The following CETP variants were observed in gnomAD, a reference collection of about 807,000 sequenced individuals.
The protein encoded by CETP is BPI fold containing family F.
Under a neutral mutation model 66.5 loss-of-function variants are expected in CETP, and 56 were observed. The ratio of observed to expected loss-of-function variants is 0.84; its 90% CI spans 0.68 to 1.05. CETP has a LOEUF of 1.05. Among genes scored for constraint, CETP ranks in the 50% least tolerant of loss-of-function variants. CETP has a pLI of 0.00. For synonymous variants in CETP, 251 were observed against 245.7 expected, an observed-to-expected ratio of 1.02 and a Z score of -0.20; for missense variants, 612 against 609.6, an observed-to-expected ratio of 1.00 and a Z score of -0.04.
chr16:56,962,169 TG>T, intron 1 of CETP, 72 bp downstream of exon 1: 1 of 1,331,336 alleles, frequency 7.5e-7, no homozygotes, highest in Non-Finnish European at 1.1e-6. Context: ...GGAGCCTCCC[TG>T]GCCTGAAGCC....
intron 11 of CETP, among the ~76,000 whole-genome samples, chr16:56,978,579 G>A (rs763364481): frequency 9.2e-5 from 14 of 151,570 alleles, no homozygotes; most frequent in East Asian, 1.9e-4. Flanking sequence ...TCCTGGGCTC[G>A]AGTGATCCTC....
chr16:56,969,888 TG>T (rs1448831929), intron 4 of CETP, 25 bp from the exon 5 acceptor site: 1 of 1,609,298 alleles, frequency 6.2e-7, no homozygotes, highest in Non-Finnish European at 8.5e-7. Context: ...GAGGCTGCCC[TG>T]AGGTCATGTC....
At chr16:56,966,970 T>C (rs1232481760) in intron 2 of CETP, among the ~76,000 whole-genome samples, 1 of 152,098 alleles carries the variant, frequency 6.6e-6, no homozygotes, top group Non-Finnish European at 1.5e-5. Context: ...TTGTATTCTG[T>C]GCGGAGGTCA....
chr16:56,970,982 A>G (rs747624840), intron 5 of CETP, 51 bp from the exon 6 acceptor site: 6 of 1,572,608 alleles, frequency 3.8e-6, no homozygotes, highest in Non-Finnish European at 4.4e-6. Context: ...TAGGCGCTCC[A>G]TGGATGCACA....
chr16:56,970,782 G>T (rs941844829), intron 5 of CETP, among the ~76,000 whole-genome samples: 1 of 152,210 alleles, frequency 6.6e-6, no homozygotes, highest in South Asian at 2.1e-4. Context: ...CTCTAGACAC[G>T]TTCTCGTGTG....
rs1801706 is a variant in CETP at position 56,983,750 on chromosome 16, G to A, written c.*84G>A. On this transcript the variant is annotated 3_prime_UTR_variant, in exon 16 of 16. Coordinates refer to ENST00000200676, the MANE Select transcript of CETP (RefSeq NM_000078.3). ...CTGGAACCCTGGTGTCTCCTCCAGC[G>A]TGGTGGAAGTTGGGTTAGGAGTACG... 225,024 of 1,303,282 alleles carry A rather than the reference G, an allele frequency of 0.17. 20,279 individuals are homozygous for A. Among genetic ancestry groups the A allele is most frequent in the Middle Eastern group, 0.2 (1,094 of 5,512 alleles). 80.7% of individuals were successfully genotyped at this position (1,303,282 alleles called of 1,614,324 possible).
At chr16:56,973,606 T>C in intron 9 of CETP, 96 bp downstream of exon 9, 1 of 1,418,438 alleles carries the variant, frequency 7.1e-7, no homozygotes, top group South Asian at 1.2e-5. Context: ...ACTCGGAAAC[T>C]TGGTGGTGGG....
At chr16:56,977,987 C>G (rs1270390391) in intron 10 of CETP, 104 bp from the exon 11 acceptor site, 2 of 1,445,682 alleles carry the variant, frequency 1.4e-6, no homozygotes, top group Non-Finnish European at 1.9e-6. Context: ...TTTTCCCCAG[C>G]CCTGGGGCCC....
At chr16:56,968,475 C>G (rs1322023338) in intron 2 of CETP, among the ~76,000 whole-genome samples, 1 of 152,168 alleles carries the variant, frequency 6.6e-6, no homozygotes, top group Non-Finnish European at 1.5e-5. Flanking sequence ...GTGTGAGCCA[C>G]CACGCTGGCC....
At chr16:56,962,580 T>C (rs1342291882) in intron 1 of CETP, among the ~76,000 whole-genome samples, 1 of 152,096 alleles carries the variant, frequency 6.6e-6, no homozygotes, top group Non-Finnish European at 1.5e-5. Flanking sequence ...TCTTGCTCAA[T>C]ATAATAAGGG....
Position 56,963,023 on chromosome 16 carries a change from T to A in CETP, c.132T>A (p.Thr44=). 1 of 1,614,130 alleles carries A rather than the reference T, an allele frequency of 6.2e-7. No homozygotes were observed. The highest frequency in any genetic ancestry group is 8.5e-7 in the Non-Finnish European group (1 of 1,179,994). The change falls in exon 2 of 16, where the codon ACT becomes ACA. Residue 44 remains threonine (T), a synonymous_variant. Transcript: ENST00000200676. ...CCTCCCCTCTAGTGAACCACGAGAC[T>A]GCCAAGGTGATCCAGACCGCCTTCC... ...KPALLVLNHE[T]AKVIQTAFQR... is the part of the protein sequence containing the mutation.
chr16:56,983,668 A>C lies in CETP; in HGVS notation c.*2A>C. The C allele has an allele frequency of 6.2e-7, 1 of 1,614,062 alleles. No individual in the cohort carries two copies. Among genetic ancestry groups the C allele is most frequent in the Non-Finnish European group, 8.5e-7 (1 of 1,179,938 alleles). ...GATTTCCTCCAGAGCTTGAGCTAGA[A>C]GTCTCCAAGGAGGTCGGGATGGGGC... is the stretch of plus-strand genomic sequence containing the variant. On this transcript the variant is annotated 3_prime_UTR_variant, in exon 16 of 16. Transcript: ENST00000200676.
In CETP at chr16:56,969,391, A is replaced by G. The variant is rs371180917; in HGVS notation, c.239A>G (p.Gln80Arg). The part of the protein sequence containing the change: ...GQVKYGLHNI[Q>R]ISHLSIASSQ... ...TCACTTCCATTCCTTCCCAGCATCC[A>G]GATCAGCCACTTGTCCATCGCCAGC... Residue 80 changes from glutamine (Q) to arginine (R), a missense_variant, in exon 3 of 16, where the codon CAG (glutamine) becomes CGG (arginine). Gln to Arg is a conservative substitution (Grantham distance 43). Transcript: ENST00000200676. The G allele has an allele frequency of 1.9e-6, 3 of 1,613,976 alleles. No homozygotes were observed. In the East Asian group the frequency reaches 6.7e-5, roughly 36 times the overall value.
In CETP at chr16:56,971,371, G is replaced by A; in HGVS notation, c.648G>A (p.Gln216=). 3 of 1,614,006 alleles carry A rather than the reference G, an allele frequency of 1.9e-6. No homozygotes were observed. Among genetic ancestry groups the A allele is most frequent in the Non-Finnish European group, 2.5e-6 (3 of 1,180,002 alleles). The change falls in exon 7 of 16, where the codon CAG becomes CAA. Residue 216 remains glutamine (Q), a synonymous_variant. Coordinates refer to ENST00000200676, the MANE Select transcript of CETP (RefSeq NM_000078.3). ...CTAACATCATGGCCGATTTTGTCCA[G>A]ACAAGGGCTGGTGAGTGCGTTTCTG... ...VISNIMADFV[Q]TRAASILSDG...
At chr16:56,962,883 C>A in intron 1 of CETP, 127 bp from the exon 2 acceptor site, 1 of 786,272 alleles carries the variant, frequency 1.3e-6, no homozygotes, top group Non-Finnish European at 2.2e-6. Flanking sequence ...CAGTCCAACC[C>A]CTCAGCTTTA....
chr16:56,967,654 CAAA>C (rs766914734), intron 2 of CETP, among the ~76,000 whole-genome samples: 4 of 61,764 alleles, frequency 6.5e-5, no homozygotes, highest in Non-Finnish European at 1.5e-4. Context: ...GACTCAGTCT[CAAA>C]AAAAAAAAAA....
chr16:56,983,682 T>G lies in CETP; in HGVS notation c.*16T>G, dbSNP rs1436671741. 6.2e-7 allele frequency: 1 copy of G among 1,612,490 alleles called. No individual in the cohort carries two copies. Among genetic ancestry groups the G allele is most frequent in the Admixed American group, 1.7e-5 (1 of 59,998 alleles). ...CTTGAGCTAGAAGTCTCCAAGGAGGTCGGGATGGGGCTTGTAGCAGAAGGC... is the reference window on the plus strand; with the variant it reads ...CTTGAGCTAGAAGTCTCCAAGGAGGGCGGGATGGGGCTTGTAGCAGAAGGC... On this transcript the variant is annotated 3_prime_UTR_variant, in exon 16 of 16. Coordinates refer to ENST00000200676, the MANE Select transcript of CETP (RefSeq NM_000078.3).
intron 9 of CETP, 147 bp downstream of exon 9, chr16:56,973,657 T>G (rs1175859304): frequency 2.3e-6 from 2 of 852,970 alleles, no homozygotes; most frequent in Non-Finnish European, 3.7e-6. Flanking sequence ...AAGTCCAGAC[T>G]GGGCACAGTG....
At chr16:56,973,226 T>A in intron 8 of CETP, 105 bp from the exon 9 acceptor site, 1 of 1,212,942 alleles carries the variant, frequency 8.2e-7, no homozygotes, top group African/African-American at 1.5e-5. Flanking sequence ...AGTTTCCCCA[T>A]CTGCACTCTG....
Sources: allele counts gnomAD v4.1 joint callset (sites outside exome capture counted in the v4.1 genomes callset), GRCh38; gene constraint gnomAD v4.1.1; transcripts MANE v1.5; gene names NCBI Gene and HGNC (gene_info 2026-07-23, HGNC 2026-07-21).